The following GRIA2 variants were observed in gnomAD, a reference collection of about 807,000 sequenced individuals.
GRIA2 encodes glutamate ionotropic receptor AMPA type subunit 2.
Under a neutral mutation model 97.3 loss-of-function variants are expected in GRIA2, and 14 were observed. That is an observed-to-expected ratio of 0.14 (90% confidence interval 0.10 to 0.23). GRIA2 has a LOEUF of 0.23. Among genes scored for constraint, GRIA2 ranks in the 10% least tolerant of loss-of-function variants. GRIA2 has a pLI of 1.00. For missense variants in GRIA2, 558 were observed against 1,069.8 expected (o/e 0.52, Z 6.67); for synonymous variants, 412 against 387.8 (o/e 1.06, Z -0.73).
intron 2 of GRIA2, among the ~76,000 whole-genome samples, chr4:157,300,860 A>C (rs779364965): frequency 1.3e-5 from 2 of 152,122 alleles, no homozygotes; most frequent in African/African-American, 4.8e-5. Flanking sequence ...AATAACCAGG[A>C]GGTCCCTTGA....
chr4:157,310,305 C>A (rs1160248965), intron 3 of GRIA2, among the ~76,000 whole-genome samples: 1 of 151,966 alleles, frequency 6.6e-6, no homozygotes, highest in East Asian at 1.9e-4. Flanking sequence ...TATCTTTTGC[C>A]AGAAGACTGG....
At chr4:157,304,098 T>C (rs1017357207) in intron 3 of GRIA2, among the ~76,000 whole-genome samples, 2 of 152,220 alleles carry the variant, frequency 1.3e-5, no homozygotes, top group African/African-American at 2.4e-5. Flanking sequence ...CTATGACAGC[T>C]ATACTACTAG....
At chr4:157,273,775 A>G (rs1216671636) in intron 2 of GRIA2, among the ~76,000 whole-genome samples, 1 of 152,074 alleles carries the variant, frequency 6.6e-6, no homozygotes, top group Non-Finnish European at 1.5e-5. Context: ...ACATAATGGG[A>G]ATATCACAAG....
At chr4:157,303,965 A>AAAC (rs936051491) in intron 3 of GRIA2, among the ~76,000 whole-genome samples, 174 bp downstream of exon 3, 2 of 152,320 alleles carry the variant, frequency 1.3e-5, no homozygotes, top group East Asian at 1.9e-4. Flanking sequence ...ATTTAGAGTA[A>AAAC]AACAACAACA....
chr4:157,306,687 T>G lies in GRIA2; in HGVS notation c.469+2896T>G, dbSNP rs947564117. On this transcript the variant is annotated intron_variant, in intron 3 of 15. Coordinates refer to ENST00000264426, the MANE Select transcript of GRIA2 (RefSeq NM_001083619.3). ...AAAAGACTTGACCTTTGTGTAATAT[T>G]TTACTTGGCTCATGGAAATGGAATT... 2.0e-5 allele frequency among the ~76,000 whole-genome samples: 3 copies of G among 152,312 alleles called. No homozygotes were observed. In the East Asian group the frequency reaches 5.8e-4, roughly 29 times the overall value.
intron 4 of GRIA2, among the ~76,000 whole-genome samples, chr4:157,315,760 C>G (rs1460387991): frequency 6.6e-6 from 1 of 151,942 alleles, no homozygotes; most frequent in African/African-American, 2.4e-5. Context: ...AGGATGGTCT[C>G]GAACTCCTGA....
At chr4:157,358,039 C>G (rs1736469395) in intron 12 of GRIA2, among the ~76,000 whole-genome samples, 1 of 152,046 alleles carries the variant, frequency 6.6e-6, no homozygotes, top group African/African-American at 2.4e-5. Context: ...TCATTTTGAA[C>G]TCTTCTTTAT....
rs761542911 is a variant in GRIA2, at chr4:157,230,443, T to G, written c.229+8636T>G. Among the ~76,000 whole-genome samples, 3 of 152,174 alleles carry G rather than the reference T, an allele frequency of 2.0e-5. No individual in the cohort carries two copies. In the South Asian group the frequency reaches 6.2e-4, roughly 32 times the overall value. On this transcript the variant is annotated intron_variant, in intron 2 of 15. Transcript: ENST00000264426. ...AAGGGAAAAACTCTAAGAGGCAGCA[T>G]AACTTGGTGTACTTGGCAGGGCTGT...
At chr4:157,308,099 A>G (rs1291435267) in intron 3 of GRIA2, among the ~76,000 whole-genome samples, 2 of 152,184 alleles carry the variant, frequency 1.3e-5, no homozygotes, top group Non-Finnish European at 2.9e-5. Flanking sequence ...TTTTAATTTA[A>G]CCCTTTAACG....
Position 157,251,090 on chromosome 4 carries a change from TC to T in GRIA2, c.229+29284del, listed in dbSNP as rs1265480757. Among the ~76,000 whole-genome samples, 10 of 152,102 alleles carry T rather than the reference TC, an allele frequency of 6.6e-5. No individual in the cohort carries two copies. The East Asian group carries it at 1.9e-3, about 30-fold the overall frequency. ...TGGATTTGATGCATTATGGAGCCTA[TC>T]AAAAAAAGCGTATACCTTCAAGTTT... On this transcript the variant is annotated intron_variant, in intron 2 of 15. Coordinates refer to ENST00000264426, the MANE Select transcript of GRIA2 (RefSeq NM_001083619.3).
chr4:157,275,860 T>A (rs1410575575), intron 2 of GRIA2, among the ~76,000 whole-genome samples: 31 of 152,182 alleles, frequency 2.0e-4, no homozygotes, highest in Non-Finnish European at 3.8e-4. Flanking sequence ...GGGCTCTTTT[T>A]TGGTTCCATA....
At chr4:157,335,595 C>G (rs1448530090) in intron 9 of GRIA2, 76 bp from the exon 10 acceptor site, 2 of 874,388 alleles carry the variant, frequency 2.3e-6, no homozygotes, top group Non-Finnish European at 3.8e-6. Context: ...ATAATTAAAC[C>G]AGAAGATTTG....
At chr4:157,222,824 T>A (rs1412702693) in intron 2 of GRIA2, among the ~76,000 whole-genome samples, 1 of 152,204 alleles carries the variant, frequency 6.6e-6, no homozygotes, top group Non-Finnish European at 1.5e-5. Context: ...ATTAGGGATC[T>A]AAAAGGATTG....
At chr4:157,302,375 G>A (rs1733654659) in intron 2 of GRIA2, among the ~76,000 whole-genome samples, 1 of 152,108 alleles carries the variant, frequency 6.6e-6, no homozygotes, top group Admixed American at 6.6e-5. Flanking sequence ...TGGAAGGAAT[G>A]TAAGTGGAGG....
chr4:157,235,522 T>G (rs1217237470), intron 2 of GRIA2, among the ~76,000 whole-genome samples: 2 of 152,000 alleles, frequency 1.3e-5, no homozygotes, highest in African/African-American at 2.4e-5. Context: ...GAAATGGTAA[T>G]TCAAAAAATT....
intron 2 of GRIA2, among the ~76,000 whole-genome samples, chr4:157,233,240 C>T (rs551650954): frequency 1.3e-4 from 20 of 152,126 alleles, no homozygotes; most frequent in East Asian, 9.7e-4. Context: ...CACTATAGGA[C>T]GAGAATGATT....
chr4:157,324,752 A>C lies in GRIA2; in HGVS notation c.882+3153A>C, dbSNP rs190455356. On this transcript the variant is annotated intron_variant, in intron 6 of 15. Transcript: ENST00000264426. Reference sequence around the variant, plus strand: ...TAAATTGTCAACAGATGTGGAAGGTAGTAACAAGAGCATGCTTTCATAATT... The same window carrying C: ...TAAATTGTCAACAGATGTGGAAGGTCGTAACAAGAGCATGCTTTCATAATT... Among the ~76,000 whole-genome samples the C allele has an allele frequency of 2.0e-5, 3 of 152,310 alleles. No homozygotes were observed. The East Asian group carries it at 5.8e-4, about 29-fold the overall frequency.
At position 157,361,756 on chromosome 4, in the gene GRIA2, A is replaced by C. The variant is rs1307596006; in HGVS notation, c.2406+632A>C. On this transcript the variant is annotated intron_variant, in intron 14 of 15. Transcript: ENST00000264426. The surrounding 1 kb of genome is among the most constrained non-coding windows in gnomAD (Gnocchi z 5.2). The stretch of plus-strand genomic sequence containing the variant: ...AATGACCCATCTTAAATAGAATGTA[A>C]ATGCAAATATGCATGAGATGCATAA... 1 of 743,550 alleles carries C rather than the reference A, an allele frequency of 1.3e-6. No homozygotes were observed. Among genetic ancestry groups the C allele is most frequent in the Non-Finnish European group, 2.3e-6 (1 of 432,782 alleles). 46.1% of individuals were successfully genotyped at this position (743,550 alleles called of 1,614,324 possible).
intron 2 of GRIA2, among the ~76,000 whole-genome samples, chr4:157,295,573 T>C (rs1205499895): frequency 6.6e-6 from 1 of 151,976 alleles, no homozygotes; most frequent in Non-Finnish European, 1.5e-5. Context: ...TTTAAAGAAA[T>C]GAGAGTTTTT....
Sources: gnomAD v4.1 joint callset for allele counts (sites outside exome capture counted in the v4.1 genomes callset) on GRCh38, gnomAD v4.1.1 for gene constraint, Gnocchi (gnomAD v3.1) non-coding constraint, MANE v1.5 for transcripts, NCBI Gene and HGNC (gene_info 2026-07-23, HGNC 2026-07-21) for gene names.